ELAC1: variants seen among roughly 807,000 people sequenced by gnomAD.
The protein encoded by ELAC1 is zinc phosphodiesterase ELAC protein 1.
ELAC1 carries 19 observed loss-of-function variants against 25.8 expected under a neutral mutation model. The observed-to-expected ratio is 0.74, with a 90% CI of 0.51 to 1.08. The LOEUF (loss-of-function observed/expected upper bound fraction) is 1.08. Ranked by LOEUF, ELAC1 falls within the 50% of genes least tolerant of loss-of-function variation. The pLI is 0.00. For synonymous variants in ELAC1, 148 were observed against 160.9 expected (o/e 0.92, Z 0.61); for missense variants, 403 against 434.6 (o/e 0.93, Z 0.65).
intron 2 of ELAC1, among the ~76,000 whole-genome samples, chr18:50,983,504 C>T (rs1908015317): frequency 6.6e-6 from 1 of 151,388 alleles, no homozygotes; most frequent in Non-Finnish European, 1.5e-5. Flanking sequence ...TATTAAAATA[C>T]TCTGAAAGCT....
intron 1 of ELAC1, among the ~76,000 whole-genome samples, chr18:50,973,596 G>A (rs1254546737): frequency 1.3e-5 from 2 of 152,296 alleles, no homozygotes; most frequent in East Asian, 3.9e-4. Flanking sequence ...GAAAGGGAAA[G>A]GGCTGATCAT....
chr18:50,985,039 C>T (rs888203145), intron 3 of ELAC1, among the ~76,000 whole-genome samples: 21 of 152,106 alleles, frequency 1.4e-4, no homozygotes, highest in African/African-American at 4.1e-4. Context: ...TAAGGAAAAT[C>T]CATGGGGCCA....
At chr18:50,968,678 CG>C (rs1907572228) in intron 1 of ELAC1, 1 of 152,228 alleles carries the variant, frequency 6.6e-6, no homozygotes, top group African/African-American at 2.4e-5. Flanking sequence ...TGCACTTCGC[CG>C]AACGTGGATC....
intron 1 of ELAC1, among the ~76,000 whole-genome samples, chr18:50,971,547 C>A (rs1282493011): frequency 1.3e-5 from 2 of 152,004 alleles, no homozygotes; most frequent in Non-Finnish European, 2.9e-5. Flanking sequence ...GCCTCCATGT[C>A]CAGCTGATTT....
At chr18:50,984,909 G>A in intron 3 of ELAC1, 1 of 324,704 alleles carries the variant, frequency 3.1e-6, no homozygotes, top group East Asian at 4.9e-5. Flanking sequence ...TCCAGCTTGG[G>A]TGACAAAGCG....
rs370101607 is a variant in ELAC1 at position 50,984,254 on chromosome 18, A to G, written c.316A>G (p.Thr106Ala). 3.1e-6 allele frequency: 5 copies of G among 1,614,066 alleles called. No homozygotes were observed. Among genetic ancestry groups the G allele is most frequent in the Non-Finnish European group, 3.4e-6 (4 of 1,180,032 alleles). ...AGGGCTTCGGGACTTTATCTGGCGA[A>G]CCATGGAACTCTCTCACACGGAGCT... ...PVGLRDFIWR[T>A]MELSHTELVF... Residue 106 changes from threonine to alanine, a missense_variant, in exon 3 of 4, where the codon ACC becomes GCC. Coordinates refer to ENST00000269466, the MANE Select transcript of ELAC1 (RefSeq NM_018696.3).
intron 2 of ELAC1, among the ~76,000 whole-genome samples, chr18:50,983,484 A>G (rs1049106745): frequency 1.3e-5 from 2 of 151,542 alleles, no homozygotes; most frequent in East Asian, 1.9e-4. Flanking sequence ...TTTTTATGTG[A>G]CAGAAAATGT....
At chr18:50,982,659 G>C (rs1421629922) in intron 2 of ELAC1, among the ~76,000 whole-genome samples, 1 of 152,206 alleles carries the variant, frequency 6.6e-6, no homozygotes, top group African/African-American at 2.4e-5. Context: ...GCTAAACCAA[G>C]TTATAACCTA....
chr18:50,980,381 A>G (rs1907911921), intron 2 of ELAC1, among the ~76,000 whole-genome samples: 1 of 152,052 alleles, frequency 6.6e-6, no homozygotes, highest in South Asian at 2.1e-4. Context: ...GGCCAAAAAA[A>G]CCCAAAACAA....
At chr18:50,984,809 G>A in intron 3 of ELAC1, 2 of 546,990 alleles carry the variant, frequency 3.7e-6, no homozygotes, top group South Asian at 5.6e-5. Flanking sequence ...TCATGTGCCT[G>A]TAGTCCCAGC....
At chr18:50,974,607 G>C (rs1907755701) in intron 2 of ELAC1, 46 bp downstream of exon 2, 2 of 1,587,644 alleles carry the variant, frequency 1.3e-6, no homozygotes, top group Non-Finnish European at 1.7e-6. Context: ...TTGTTGTTCT[G>C]CTTCATTTTC....
intron 1 of ELAC1, chr18:50,968,521 C>G (rs1340284359): frequency 6.6e-6 from 1 of 152,318 alleles, no homozygotes; most frequent in Non-Finnish European, 1.5e-5. Context: ...GAAGGAGCGC[C>G]GGTTCTCAAC....
chr18:50,972,657 A>AT (rs1249444110), intron 1 of ELAC1, among the ~76,000 whole-genome samples: 2 of 152,004 alleles, frequency 1.3e-5, no homozygotes, highest in East Asian at 3.9e-4. Context: ...TAATTTTTGT[A>AT]TTTTTAGTAG....
intron 1 of ELAC1, 56 bp from the exon 2 acceptor site, chr18:50,974,341 A>C: frequency 1.4e-6 from 2 of 1,431,764 alleles, no homozygotes; most frequent in African/African-American, 1.4e-5. Context: ...ATATTACAGG[A>C]ATATGTTTTT....
intron 2 of ELAC1, among the ~76,000 whole-genome samples, chr18:50,980,256 G>A (rs937130204): frequency 5.9e-5 from 9 of 152,016 alleles, no homozygotes; most frequent in Admixed American, 6.6e-5. Flanking sequence ...GCTGCAATGA[G>A]CCATGATTGA....
At chr18:50,968,918 T>C (rs1326198500) in intron 1 of ELAC1, 1 of 152,232 alleles carries the variant, frequency 6.6e-6, no homozygotes, top group Non-Finnish European at 1.5e-5. Context: ...ATATGAAAAT[T>C]GAATAGTAAC....
intron 2 of ELAC1, among the ~76,000 whole-genome samples, chr18:50,977,925 A>G (rs1907837575): frequency 6.6e-6 from 1 of 152,170 alleles, no homozygotes; most frequent in South Asian, 2.1e-4. Flanking sequence ...ATCTCTCTCA[A>G]GTTCAAAGTT....
intron 1 of ELAC1, among the ~76,000 whole-genome samples, chr18:50,972,901 A>G (rs923328951): frequency 1.3e-5 from 2 of 152,140 alleles, no homozygotes; most frequent in Admixed American, 6.5e-5. Flanking sequence ...TTTTCCTTCC[A>G]TATGATTTTT....
At chr18:50,982,920 C>T (rs934976738) in intron 2 of ELAC1, among the ~76,000 whole-genome samples, 2 of 151,996 alleles carry the variant, frequency 1.3e-5, no homozygotes, top group African/African-American at 4.8e-5. Context: ...CAGGCCGTGA[C>T]TTGATTGGTT....
Sources: allele counts gnomAD v4.1 joint callset (sites outside exome capture counted in the v4.1 genomes callset), GRCh38; gene constraint gnomAD v4.1.1; transcripts MANE v1.5; gene names NCBI Gene and HGNC (gene_info 2026-07-23, HGNC 2026-07-21).